Variants in CEP162 observed in about 807,000 individuals in gnomAD.
The protein encoded by CEP162 is centrosomal protein 162.
Under a neutral mutation model 169.2 loss-of-function variants are expected in CEP162, and 141 were observed. That is an observed-to-expected ratio of 0.83 (90% CI 0.73 to 0.96). CEP162 has a LOEUF of 0.96. CEP162 is among the 40% of genes least tolerant of loss of function. The pLI is 0.00. For missense variants in CEP162, 1,600 were observed against 1,587.2 expected, an observed-to-expected ratio of 1.01 and a Z score of -0.14; for synonymous variants, 540 against 526.4, an observed-to-expected ratio of 1.03 and a Z score of -0.35.
chr6:84,188,252 CT>C (rs905319995), intron 11 of CEP162, among the ~76,000 whole-genome samples: 15 of 148,152 alleles, frequency 1.0e-4, no homozygotes, highest in Admixed American at 3.4e-4. Context: ...TAGCAAAGAA[CT>C]TTTTTTTTTT....
At chr6:84,140,588 C>T (rs1357978112) in intron 25 of CEP162, among the ~76,000 whole-genome samples, 1 of 152,106 alleles carries the variant, frequency 6.6e-6, no homozygotes. Flanking sequence ...GGTACAGTGG[C>T]ACAATCAGCT....
rs192616751 is a variant in CEP162 at position 84,134,084 on chromosome 6, C to T, written c.3871-7572G>A. 1.1e-3 allele frequency among the ~76,000 whole-genome samples: 167 copies of T among 152,308 alleles called. 1 individual carries two copies. The highest frequency in any genetic ancestry group is 3.6e-3 in the African/African-American group (150 of 41,572). ...AGAGGAGGAATCTAGAGAGGCATTC[C>T]GGCTATGGCGGCTTTGCCAAGCTGC... On this transcript the variant is annotated intron_variant, in intron 25 of 26. Transcript: ENST00000403245.
At chr6:84,226,297 G>T in intron 2 of CEP162, 40 bp downstream of exon 2, 1 of 1,340,290 alleles carries the variant, frequency 7.5e-7, no homozygotes, top group South Asian at 1.3e-5. Flanking sequence ...AGTCTTTTGA[G>T]ACAAATTTGA....
chr6:84,125,011 G>T lies in CEP162; in HGVS notation c.*59C>A. 1 of 1,271,934 alleles carries T rather than the reference G, an allele frequency of 7.9e-7. No individual in the cohort carries two copies. The highest frequency in any genetic ancestry group is 1.1e-6 in the Non-Finnish European group (1 of 886,286). 78.8% of individuals were successfully genotyped at this position (1,271,934 alleles called of 1,614,324 possible). ...TTTTTCATAAGCTGTCCTGACAGTG[G>T]CACAATCCCATCCATCTTCAGGCCT... On this transcript the variant is annotated 3_prime_UTR_variant, in exon 27 of 27. Transcript: ENST00000403245.
intron 11 of CEP162, among the ~76,000 whole-genome samples, chr6:84,192,031 T>A (rs918375457): frequency 6.6e-6 from 1 of 152,166 alleles, no homozygotes; most frequent in Non-Finnish European, 1.5e-5. Flanking sequence ...ATCTTAAAAC[T>A]ATGTGTTGAT....
chr6:84,212,340 C>CAAT (rs926489288), intron 6 of CEP162, among the ~76,000 whole-genome samples: 1 of 151,894 alleles, frequency 6.6e-6, no homozygotes, highest in Non-Finnish European at 1.5e-5. Flanking sequence ...GCTTTAACAA[C>CAAT]AATAATAATA....
At chr6:84,164,210 C>A (rs553452858) in intron 18 of CEP162, among the ~76,000 whole-genome samples, 2 of 152,052 alleles carry the variant, frequency 1.3e-5, no homozygotes, top group Non-Finnish European at 2.9e-5. Flanking sequence ...CAGATGCTGG[C>A]AAGGATGCGG....
chr6:84,163,331 G>A, intron 18 of CEP162, 61 bp from the exon 19 acceptor site: 1 of 1,265,708 alleles, frequency 7.9e-7, no homozygotes, highest in Non-Finnish European at 1.1e-6. Flanking sequence ...TTGTGGTATA[G>A]TCTTTCAAAC....
Position 84,163,264 on chromosome 6 carries a change from T to A in CEP162, c.2392A>T (p.Lys798Ter). 1.9e-6 allele frequency: 3 copies of A among 1,604,182 alleles called. No homozygotes were observed. Among genetic ancestry groups the A allele is most frequent in the Non-Finnish European group, 1.7e-6 (2 of 1,173,898 alleles). Residue 798 changes from lysine to a stop codon, truncating the protein, a stop_gained, in exon 19 of 27, where the codon AAA becomes TAA. Transcript: ENST00000403245. LOFTEE classifies it high-confidence loss of function. ...LAELRMAQKEKDSLLEDIKRL... is the reference protein window; with the variant it reads ...LAELRMAQKE ...TTGATGTCTTCCAATAAACTGTCTTTTTCTTTCTTGATATTCAAAAGAAAT... is the reference window on the plus strand; with the variant it reads ...TTGATGTCTTCCAATAAACTGTCTTATTCTTTCTTGATATTCAAAAGAAAT...
chr6:84,183,930 C>T (rs2099535968), intron 13 of CEP162, among the ~76,000 whole-genome samples: 2 of 152,058 alleles, frequency 1.3e-5, no homozygotes, highest in African/African-American at 2.4e-5. Flanking sequence ...TCCAAAACAC[C>T]TTTGCCTAAT....
intron 9 of CEP162, among the ~76,000 whole-genome samples, chr6:84,200,377 AG>A (rs1374399382): frequency 6.6e-6 from 1 of 152,260 alleles, no homozygotes; most frequent in Non-Finnish European, 1.5e-5. Flanking sequence ...AGTTGGTCTC[AG>A]GTATTTCAGA....
chr6:84,184,624 T>G (rs1322531350), intron 13 of CEP162, among the ~76,000 whole-genome samples: 1 of 152,122 alleles, frequency 6.6e-6, no homozygotes, highest in Non-Finnish European at 1.5e-5. Flanking sequence ...CTCTGTTTCC[T>G]TTGCAGGTTC....
chr6:84,157,250 T>A (rs2099523579), intron 21 of CEP162, among the ~76,000 whole-genome samples: 1 of 152,206 alleles, frequency 6.6e-6, no homozygotes, highest in South Asian at 2.1e-4. Context: ...CCAGATTGAA[T>A]CGAATGCACA....
chr6:84,190,004 T>C (rs1203390100), intron 11 of CEP162, among the ~76,000 whole-genome samples: 1 of 151,386 alleles, frequency 6.6e-6, no homozygotes, highest in Non-Finnish European at 1.5e-5. Flanking sequence ...GGATTGTAAA[T>C]ATACCAATCA....
rs2099529887 is a variant in CEP162, at chr6:84,170,978, CG to C, written c.2279+627del. ...CCCTACTCCTTTCCACAGTACACTC[CG>C]GCCAGTGACTAAGGCTGCCCCCTTG... On this transcript the variant is annotated intron_variant, in intron 17 of 26. Transcript: ENST00000403245. 2.6e-5 allele frequency among the ~76,000 whole-genome samples: 4 copies of C among 152,262 alleles called. No individual in the cohort carries two copies. The South Asian group carries it at 8.3e-4, about 32-fold the overall frequency.
At position 84,213,998 on chromosome 6, in the gene CEP162, G is replaced by A. The variant is rs116890702; in HGVS notation, c.504-974C>T. Among the ~76,000 whole-genome samples, 315 of 152,290 alleles carry A rather than the reference G, an allele frequency of 2.1e-3. 5 individuals carry two copies. The highest frequency in any genetic ancestry group is 8.6e-3 in the Admixed American group (131 of 15,292). ...CTTACTATAAAAGTAATACATTTTCGCTGGGCGCGGTGGCTCATGCCTGTA... is the reference window on the plus strand; with the variant it reads ...CTTACTATAAAAGTAATACATTTTCACTGGGCGCGGTGGCTCATGCCTGTA... On this transcript the variant is annotated intron_variant, in intron 5 of 26. Transcript: ENST00000403245.
chr6:84,164,295 TC>T (rs1391949968), intron 18 of CEP162, among the ~76,000 whole-genome samples: 1 of 152,180 alleles, frequency 6.6e-6, no homozygotes, highest in Admixed American at 6.5e-5. Flanking sequence ...GTGTGGTGAT[TC>T]CTCAAGGATC....
At chr6:84,176,850 G>T (rs932426424) in intron 13 of CEP162, among the ~76,000 whole-genome samples, 1 of 150,974 alleles carries the variant, frequency 6.6e-6, no homozygotes, top group Non-Finnish European at 1.5e-5. Context: ...TCTTAATTTT[G>T]ACTTCTCAGT....
chr6:84,180,294 GC>G (rs547996884), intron 13 of CEP162, among the ~76,000 whole-genome samples: 197 of 152,150 alleles, frequency 1.3e-3, no homozygotes, highest in Non-Finnish European at 2.3e-3. Context: ...AAATTCAACA[GC>G]CCTTCATGCT....
Sources: allele counts gnomAD v4.1 joint callset (sites outside exome capture counted in the v4.1 genomes callset), GRCh38; gene constraint gnomAD v4.1.1; transcripts MANE v1.5; gene names NCBI Gene and HGNC (gene_info 2026-07-23, HGNC 2026-07-21).